Variants in FOXP2 observed in about 807,000 individuals in gnomAD.
The protein encoded by FOXP2 is forkhead box protein P2.
FOXP2 carries 12 observed loss-of-function variants against 115.8 expected under a neutral mutation model. The ratio of observed to expected loss-of-function variants is 0.10; its 90% CI spans 0.07 to 0.17. The LOEUF (loss-of-function observed/expected upper bound fraction) is 0.17. Among genes scored for constraint, FOXP2 ranks in the 10% least tolerant of loss-of-function variants. The pLI is 1.00. For missense variants in FOXP2, 629 were observed against 843.5 expected (o/e 0.75, Z 3.15); for synonymous variants, 328 against 297.7 (o/e 1.10, Z -1.05).
At chr7:114,543,225 A>T (rs531167543) in intron 3 of FOXP2, among the ~76,000 whole-genome samples, 2 of 152,352 alleles carry the variant, frequency 1.3e-5, no homozygotes, top group African/African-American at 4.8e-5. Flanking sequence ...CTAATAAATT[A>T]CTATAGTATA....
intron 1 of FOXP2, among the ~76,000 whole-genome samples, chr7:114,249,226 G>C (rs1795368499): frequency 6.6e-6 from 1 of 151,076 alleles, no homozygotes. Flanking sequence ...TTTATTTTAA[G>C]TTCTGAGGTA....
At chr7:114,168,084 C>CT (rs1793030953) in intron 1 of FOXP2, among the ~76,000 whole-genome samples, 1 of 152,160 alleles carries the variant, frequency 6.6e-6, no homozygotes, top group Non-Finnish European at 1.5e-5. Flanking sequence ...GTTTATTAAA[C>CT]TGTTTTCCTG....
At chr7:114,662,636 T>A (rs971595083) in intron 14 of FOXP2, among the ~76,000 whole-genome samples, 3 of 152,092 alleles carry the variant, frequency 2.0e-5, no homozygotes, top group African/African-American at 7.2e-5. Flanking sequence ...TATTTCTTTC[T>A]CAAATACTCT....
At chr7:114,495,395 A>AT (rs1427888353) in intron 2 of FOXP2, among the ~76,000 whole-genome samples, 1 of 142,188 alleles carries the variant, frequency 7.0e-6, no homozygotes, top group Non-Finnish European at 1.5e-5. Context: ...GCTGTAATGT[A>AT]TTTTCTCAAC....
intron 2 of FOXP2, among the ~76,000 whole-genome samples, chr7:114,477,421 A>G (rs560578182): frequency 6.6e-6 from 1 of 152,100 alleles, no homozygotes; most frequent in Non-Finnish European, 1.5e-5. Flanking sequence ...ACTAAATCCC[A>G]CATGTCCTCA....
chr7:114,677,009 A>T (rs999353314), intron 16 of FOXP2, among the ~76,000 whole-genome samples: 6 of 152,048 alleles, frequency 3.9e-5, no homozygotes, highest in African/African-American at 1.4e-4. Context: ...TACTAAAAAT[A>T]CAAAAAATTA....
intron 2 of FOXP2, among the ~76,000 whole-genome samples, chr7:114,403,780 C>T (rs1161976737): frequency 6.6e-6 from 1 of 152,052 alleles, no homozygotes; most frequent in African/African-American, 2.4e-5. Flanking sequence ...ATGAAAGAAC[C>T]TTATTGGGGA....
chr7:114,596,805 G>C (rs1418910275), intron 3 of FOXP2, among the ~76,000 whole-genome samples: 1 of 151,946 alleles, frequency 6.6e-6, no homozygotes, highest in African/African-American at 2.4e-5. Flanking sequence ...GGTATTTAAG[G>C]CAGTACTTGA....
intron 2 of FOXP2, among the ~76,000 whole-genome samples, chr7:114,340,460 T>G (rs530963025): frequency 6.6e-6 from 1 of 151,354 alleles, no homozygotes; most frequent in South Asian, 2.1e-4. Context: ...TTCCATATCA[T>G]TCAATTAAAT....
At chr7:114,133,722 T>G (rs1791953000) in intron 1 of FOXP2, among the ~76,000 whole-genome samples, 3 of 152,190 alleles carry the variant, frequency 2.0e-5, no homozygotes, top group Admixed American at 6.5e-5. Context: ...TGGAGTGAGT[T>G]AGTTCTCTCT....
At chr7:114,413,774 G>T (rs753954055), upstream of FOXP2, among the ~76,000 whole-genome samples, 1 of 152,144 alleles carries the variant, frequency 6.6e-6, no homozygotes, top group African/African-American at 2.4e-5. Context: ...TGCAACAAAA[G>T]TAGTGGCAGA....
At chr7:114,179,883 A>G (rs1793413828) in intron 1 of FOXP2, among the ~76,000 whole-genome samples, 1 of 152,012 alleles carries the variant, frequency 6.6e-6, no homozygotes, top group African/African-American at 2.4e-5. Flanking sequence ...GGAGACTATC[A>G]TCAGATTTGA....
At chr7:114,550,112 CTTTTTTTTTTT>C (rs941573098) in intron 3 of FOXP2, among the ~76,000 whole-genome samples, 1 of 103,278 alleles carries the variant, frequency 9.7e-6, no homozygotes, top group East Asian at 2.8e-4. Flanking sequence ...CCTTTCTTTT[CTTTTTTTTTTT>C]TTTTTTTTTT....
At chr7:114,335,539 C>T (rs1797831664) in intron 2 of FOXP2, among the ~76,000 whole-genome samples, 1 of 151,732 alleles carries the variant, frequency 6.6e-6, no homozygotes, top group Non-Finnish European at 1.5e-5. Context: ...AGAAATAACG[C>T]TGTATCATAC....
At chr7:114,407,831 A>C (rs1793071114) in intron 2 of FOXP2, among the ~76,000 whole-genome samples, 1 of 152,142 alleles carries the variant, frequency 6.6e-6, no homozygotes, top group Non-Finnish European at 1.5e-5. Context: ...GGTCTGGTAA[A>C]GCTGTAAAAG....
chr7:114,577,397 C>T (rs1801629240), intron 3 of FOXP2, among the ~76,000 whole-genome samples: 1 of 151,924 alleles, frequency 6.6e-6, no homozygotes, highest in Non-Finnish European at 1.5e-5. Flanking sequence ...ATGCATCAGA[C>T]AATTTAGATG....
chr7:114,205,577 G>A (rs1471058582), intron 1 of FOXP2, among the ~76,000 whole-genome samples: 1 of 152,080 alleles, frequency 6.6e-6, no homozygotes, highest in African/African-American at 2.4e-5. Flanking sequence ...AGTAAGTCAG[G>A]TCATATATTG....
chr7:114,266,558 T>C lies in FOXP2; in HGVS notation c.-101-21461T>C, dbSNP rs114075076. On this transcript the variant is annotated intron_variant, in intron 1 of 17. Coordinates refer to the FOXP2 transcript ENST00000634411. Reference sequence around the variant, plus strand: ...CCACACACTTATAAGCCACCAGATGTCATGAGAACTCACTCAGTGTCTAAG... The same window carrying C: ...CCACACACTTATAAGCCACCAGATGCCATGAGAACTCACTCAGTGTCTAAG... Among the ~76,000 whole-genome samples the C allele has an allele frequency of 4.8e-3, 729 of 152,188 alleles. 10 individuals carry two copies. Among genetic ancestry groups the C allele is most frequent in the African/African-American group, 0.017 (693 of 41,510 alleles).
chr7:114,204,151 G>A (rs1794144199), intron 1 of FOXP2, among the ~76,000 whole-genome samples: 1 of 152,128 alleles, frequency 6.6e-6, no homozygotes, highest in African/African-American at 2.4e-5. Context: ...AGCCACAGGT[G>A]TAATTTTAAA....
Sources: gnomAD v4.1 joint callset for allele counts (sites outside exome capture counted in the v4.1 genomes callset) on GRCh38, gnomAD v4.1.1 for gene constraint, MANE v1.5 for transcripts, NCBI Gene and HGNC (gene_info 2026-07-23, HGNC 2026-07-21) for gene names.